The following SGCG variants were observed in gnomAD, a reference collection of about 807,000 sequenced individuals.
SGCG encodes the protein gamma-sarcoglycan.
A neutral mutation model predicts 29.3 loss-of-function variants in SGCG; 26 were observed. That is an observed-to-expected ratio of 0.89 (90% CI 0.65 to 1.23). The LOEUF (loss-of-function observed/expected upper bound fraction) is 1.23. Among genes scored for constraint, SGCG ranks in the 50% most tolerant of loss-of-function variants. SGCG has a pLI of 0.00. For synonymous variants in SGCG, 145 were observed against 129.7 expected (o/e 1.12, Z -0.80); for missense variants, 353 against 356.0 (o/e 0.99, Z 0.07).
intron 2 of SGCG, among the ~76,000 whole-genome samples, chr13:23,228,783 C>T (rs185681339): frequency 6.6e-6 from 1 of 152,304 alleles, no homozygotes; most frequent in Admixed American, 6.5e-5. Flanking sequence ...ATCCATGTTC[C>T]TGCAAAGGAC....
At chr13:23,249,268 C>G (rs73168678) in intron 3 of SGCG, among the ~76,000 whole-genome samples, 18,736 of 152,134 alleles carry the variant, frequency 0.12, 1,394 homozygotes, top group East Asian at 0.38. Context: ...TCTAGAAATT[C>G]AGTTTACTCT....
chr13:23,324,293 T>C (rs1883148512), intron 7 of SGCG, 75 bp from the exon 8 acceptor site: 6 of 1,403,538 alleles, frequency 4.3e-6, no homozygotes, highest in Non-Finnish European at 6.1e-6. Flanking sequence ...ATTGGAAATC[T>C]TGTGAGAATG....
intron 1 of SGCG, among the ~76,000 whole-genome samples, chr13:23,196,911 T>C (rs565254197): frequency 2.0e-5 from 3 of 152,304 alleles, no homozygotes; most frequent in African/African-American, 7.2e-5. Flanking sequence ...GTAAAACCCA[T>C]GCAGTCATTC....
chr13:23,281,709 G>A (rs1315134689), intron 5 of SGCG, among the ~76,000 whole-genome samples: 1 of 152,172 alleles, frequency 6.6e-6, no homozygotes, highest in African/African-American at 2.4e-5. Flanking sequence ...CTCATCAGGA[G>A]CACGCAACCT....
At chr13:23,167,004 T>C in the SGCG span, among the ~76,000 whole-genome samples, 2 of 152,154 alleles carry the variant, frequency 1.3e-5, no homozygotes, top group East Asian at 1.9e-4. Context: ...CTAGGTCTTA[T>C]TCTTTCTATT....
chr13:23,228,791 G>C (rs930085473), intron 2 of SGCG, among the ~76,000 whole-genome samples: 3 of 152,138 alleles, frequency 2.0e-5, no homozygotes, highest in Non-Finnish European at 4.4e-5. Context: ...TCCTGCAAAG[G>C]ACATGATCTC....
chr13:23,211,929 G>C (rs1878234172), intron 2 of SGCG, among the ~76,000 whole-genome samples: 1 of 152,140 alleles, frequency 6.6e-6, no homozygotes. Flanking sequence ...GTGCAGCCTG[G>C]TGGGAGGTGA....
intron 6 of SGCG, among the ~76,000 whole-genome samples, chr13:23,300,527 A>G (rs894040981): frequency 2.0e-5 from 3 of 152,128 alleles, no homozygotes; most frequent in Non-Finnish European, 2.9e-5. Flanking sequence ...CATCAGCCCA[A>G]CGATGTCACA....
chr13:23,170,585 C>T, the SGCG span: 2 of 152,480 alleles, frequency 1.3e-5, no homozygotes, highest in South Asian at 4.1e-4. Context: ...CTGTTGTTGC[C>T]TTCTTCTTCT....
intron 3 of SGCG, among the ~76,000 whole-genome samples, chr13:23,247,869 T>C (rs1427400882): frequency 6.7e-6 from 1 of 149,952 alleles, no homozygotes; most frequent in Non-Finnish European, 1.5e-5. Context: ...GAGGATCACT[T>C]GAATCCACGA....
In SGCG at chr13:23,265,232, C is replaced by T. The variant is rs987901529; in HGVS notation, c.386-14127C>T. Among the ~76,000 whole-genome samples the T allele has an allele frequency of 5.5e-4, 83 of 151,098 alleles. 1 individual carries two copies. The highest frequency in any genetic ancestry group is 3.3e-4 in the Admixed American group (5 of 15,138). ...TAAAAAAGTTAATATCTGGAATCTA[C>T]GAGGAAATAAAACAGATCAGCAAGA... On this transcript the variant is annotated intron_variant, in intron 4 of 7. Transcript: ENST00000218867.
the SGCG span, among the ~76,000 whole-genome samples, chr13:23,172,354 A>G: frequency 6.6e-6 from 1 of 152,204 alleles, no homozygotes; most frequent in South Asian, 2.1e-4. Flanking sequence ...ATATCTCAAT[A>G]TGTGTTGACT....
At chr13:23,225,807 A>ACACACACACC (rs1491150183) in intron 2 of SGCG, among the ~76,000 whole-genome samples, 1 of 144,910 alleles carries the variant, frequency 6.9e-6, no homozygotes, top group Admixed American at 7.0e-5. Flanking sequence ...ACACACACAC[A>ACACACACACC]CCCCTACATA....
At chr13:23,324,232 A>G (rs1883147227) in intron 7 of SGCG, 136 bp from the exon 8 acceptor site, 8 of 754,896 alleles carry the variant, frequency 1.1e-5, no homozygotes, top group Non-Finnish European at 1.8e-5. Flanking sequence ...TTACGAAATG[A>G]GTTACATAAA....
chr13:23,174,674 C>A, the SGCG span, among the ~76,000 whole-genome samples: 1 of 152,044 alleles, frequency 6.6e-6, no homozygotes, highest in Middle Eastern at 3.2e-3. Flanking sequence ...CAATATGAAG[C>A]AATTAAAATA....
chr13:23,194,885 G>T (rs1372289534), intron 1 of SGCG, among the ~76,000 whole-genome samples: 4 of 152,168 alleles, frequency 2.6e-5, no homozygotes, highest in African/African-American at 7.2e-5. Flanking sequence ...GACTGTAATA[G>T]GACACAGAAG....
At chr13:23,167,636 A>G in the SGCG span, among the ~76,000 whole-genome samples, 3 of 151,938 alleles carry the variant, frequency 2.0e-5, no homozygotes, top group Non-Finnish European at 4.4e-5. Flanking sequence ...TTTTATTTGC[A>G]TTCCTCTGAT....
At chr13:23,317,042 A>T (rs1463300796) in intron 6 of SGCG, among the ~76,000 whole-genome samples, 1 of 152,106 alleles carries the variant, frequency 6.6e-6, no homozygotes, top group Non-Finnish European at 1.5e-5. Context: ...TGTCTCTACC[A>T]AGATTAGCCG....
chr13:23,309,843 T>A (rs1486494943), intron 6 of SGCG, among the ~76,000 whole-genome samples: 3 of 152,208 alleles, frequency 2.0e-5, no homozygotes, highest in Non-Finnish European at 2.9e-5. Flanking sequence ...ATGAAGTTTC[T>A]CTTTTCAAGT....
Sources: gnomAD v4.1 joint callset for allele counts (sites outside exome capture counted in the v4.1 genomes callset) on GRCh38, gnomAD v4.1.1 for gene constraint, MANE v1.5 for transcripts, NCBI Gene and HGNC (gene_info 2026-07-23, HGNC 2026-07-21) for gene names.